DOCK8: variants seen among roughly 807,000 people sequenced by gnomAD.
The protein encoded by DOCK8 is dedicator of cytokinesis 8.
A neutral mutation model predicts 245.6 loss-of-function variants in DOCK8; 141 were observed. That is an observed-to-expected ratio of 0.57 (90% CI 0.50 to 0.66). DOCK8 has a LOEUF of 0.66. Among genes scored for constraint, DOCK8 ranks in the 30% least tolerant of loss-of-function variants. DOCK8 has a pLI of 0.00. For missense variants in DOCK8, 2,965 were observed against 2,603.4 expected (o/e 1.14, Z -3.02); for synonymous variants, 1,168 against 970.2 (o/e 1.20, Z -3.79).
At chr9:215,065 G>C (rs1160137958) in intron 1 of DOCK8, 36 bp downstream of exon 1, 5 of 1,550,712 alleles carry the variant, frequency 3.2e-6, no homozygotes, top group Non-Finnish European at 4.3e-6. Flanking sequence ...GTTGCGGCCG[G>C]ACAGCCCAGC....
chr9:270,965 A>T (rs182939027), intron 1 of DOCK8, among the ~76,000 whole-genome samples: 3 of 152,352 alleles, frequency 2.0e-5, no homozygotes, highest in Non-Finnish European at 2.9e-5. Flanking sequence ...ACTGGCCAGC[A>T]GTCACATGCC....
chr9:449,344 C>G (rs2057360210), intron 44 of DOCK8, among the ~76,000 whole-genome samples: 1 of 124,448 alleles, frequency 8.0e-6, no homozygotes, highest in South Asian at 2.8e-4. Flanking sequence ...GAGCAAAACT[C>G]CATCTCAAAT....
intron 4 of DOCK8, among the ~76,000 whole-genome samples, chr9:290,328 A>G (rs1227128236): frequency 8.6e-5 from 13 of 151,754 alleles, no homozygotes; most frequent in Non-Finnish European, 1.3e-4. Context: ...AGTGTATTTG[A>G]TATTTGGCCT....
chr9:400,361 CCAT>C (rs1410955443), intron 26 of DOCK8, among the ~76,000 whole-genome samples: 6 of 102,468 alleles, frequency 5.9e-5, no homozygotes, highest in African/African-American at 1.2e-4. Context: ...ACCTCCTCCA[CCAT>C]CACCACCTCC....
chr9:241,092 T>C (rs1425956063), intron 1 of DOCK8, among the ~76,000 whole-genome samples: 1 of 152,210 alleles, frequency 6.6e-6, no homozygotes, highest in Non-Finnish European at 1.5e-5. Context: ...TTTTTGATTT[T>C]ATTTTTTAAA....
chr9:330,879 C>T lies in DOCK8; in HGVS notation c.1045-1519C>T, dbSNP rs559772999. ...TCTGCAGCTCCTTCTCATGAAGTACCTGGAGTTCTCCTTGCCCACTGCAGC... is the reference window on the plus strand; with the variant it reads ...TCTGCAGCTCCTTCTCATGAAGTACTTGGAGTTCTCCTTGCCCACTGCAGC... On this transcript the variant is annotated intron_variant, in intron 9 of 47. Coordinates refer to ENST00000432829, the MANE Select transcript of DOCK8 (RefSeq NM_203447.4). 1.1e-4 allele frequency among the ~76,000 whole-genome samples: 16 copies of T among 152,280 alleles called. No individual in the cohort carries two copies. In the South Asian group the frequency reaches 2.9e-3, roughly 28 times the overall value.
chr9:323,587 A>G (rs928032391), intron 7 of DOCK8, among the ~76,000 whole-genome samples: 1 of 152,150 alleles, frequency 6.6e-6, no homozygotes, highest in African/African-American at 2.4e-5. Flanking sequence ...TTGTTCTGCA[A>G]CCATCACCAC....
Position 382,597 on chromosome 9 carries a change from A to C in DOCK8, c.2690A>C (p.Gln897Pro). The change falls in exon 22 of 48, where the codon CAG becomes CCG. Residue 897 changes from glutamine (Q) to proline (P), a missense_variant. By Grantham distance (76) the Gln-to-Pro change is moderately conservative. This residue lies in a region of DOCK8 where 2,825 missense variants were observed against 2,453.5 expected (regional missense o/e 1.15). Transcript: ENST00000432829. ...SAAAVSSKLL[Q>P]ARVMSSSNPD... ...GCTGCTGTGAGTTCAAAGCTGCTGC[A>C]GGCCCGGGTGATGAGCAGCAGTAAC... is the stretch of plus-strand genomic sequence containing the variant. 6.2e-7 allele frequency: 1 copy of C among 1,614,216 alleles called. No individual in the cohort carries two copies. Among genetic ancestry groups the C allele is most frequent in the Non-Finnish European group, 8.5e-7 (1 of 1,180,024 alleles).
At chr9:306,288 G>A (rs933451522) in intron 5 of DOCK8, among the ~76,000 whole-genome samples, 3 of 152,148 alleles carry the variant, frequency 2.0e-5, no homozygotes, top group Non-Finnish European at 4.4e-5. Context: ...CTTCACAGTA[G>A]AATCAGCCAT....
chr9:453,729 A>G (rs1433657274), intron 46 of DOCK8, among the ~76,000 whole-genome samples: 1 of 151,982 alleles, frequency 6.6e-6, no homozygotes, highest in African/African-American at 2.4e-5. Context: ...GCCCGGCCCT[A>G]TTTTTTATTT....
chr9:291,091 A>G (rs1394264519), intron 4 of DOCK8, among the ~76,000 whole-genome samples: 4 of 152,354 alleles, frequency 2.6e-5, no homozygotes, highest in East Asian at 1.9e-4. Flanking sequence ...GTTGTTCTCA[A>G]GTTTTTAAAT....
chr9:462,038 G>T (rs945269928), intron 46 of DOCK8, among the ~76,000 whole-genome samples: 8 of 148,048 alleles, frequency 5.4e-5, no homozygotes, highest in East Asian at 2.0e-4. Context: ...ATTAACTTTG[G>T]TTTTTTACAT....
intron 26 of DOCK8, among the ~76,000 whole-genome samples, chr9:400,112 C>T (rs1362987487): frequency 1.8e-4 from 18 of 102,600 alleles, no homozygotes; most frequent in African/African-American, 8.5e-4. Context: ...ACCACCTCCA[C>T]CACCACCAGC....
chr9:330,884 G>A (rs926333358), intron 9 of DOCK8, among the ~76,000 whole-genome samples: 82 of 152,204 alleles, frequency 5.4e-4, no homozygotes, highest in African/African-American at 1.9e-3. Flanking sequence ...AGTACCTGGA[G>A]TTCTCCTTGC....
At position 464,868 on chromosome 9, in the gene DOCK8, T is replaced by C. The variant is rs2057921779; in HGVS notation, c.*649T>C. On this transcript the variant is annotated 3_prime_UTR_variant, in exon 48 of 48. Transcript: ENST00000432829. ...AATTTAACATGCATTTATAGAAGAA[T>C]ACATTCAAAGCACTGATGTAGGAGA... The C allele has an allele frequency of 6.4e-6, 1 of 156,968 alleles. No individual in the cohort carries two copies. The highest frequency in any genetic ancestry group is 6.1e-5 in the Admixed American group (1 of 16,476). 9.7% of individuals were successfully genotyped at this position (156,968 alleles called of 1,614,324 possible). A position where few individuals can be genotyped will look rare whatever the true frequency, so the allele number is the denominator to read the frequency against.
In DOCK8 at chr9:446,473, A is replaced by G. The variant is rs1290469912; in HGVS notation, c.5684A>G (p.Tyr1895Cys). Residue 1895 changes from tyrosine (Y) to cysteine (C), a missense_variant, in exon 44 of 48, where the codon TAC (tyrosine) becomes TGC (cysteine). Transcript: ENST00000432829. ...AATTTCAACCTCCGGAGGTTCATGT[A>G]CACCACCCCGTTCACCCTGGAGGGG... ...EKNFNLRRFM[Y>C]TTPFTLEGRP... 1 of 1,614,154 alleles carries G rather than the reference A, an allele frequency of 6.2e-7. No homozygotes were observed. Among genetic ancestry groups the G allele is most frequent in the Non-Finnish European group, 8.5e-7 (1 of 1,180,016 alleles).
At chr9:233,498 G>A (rs1222007082) in intron 1 of DOCK8, among the ~76,000 whole-genome samples, 13 of 151,956 alleles carry the variant, frequency 8.6e-5, no homozygotes, top group Admixed American at 6.6e-4. Flanking sequence ...ACAGTGGGGT[G>A]TTAAAGTCTC....
chr9:399,284 C>A, intron 26 of DOCK8, 25 bp downstream of exon 26: 1 of 1,502,240 alleles, frequency 6.7e-7, no homozygotes, highest in African/African-American at 1.5e-5. Context: ...CACCCCCACC[C>A]CCGAGCGAGC....
At chr9:371,187 G>A (rs1470961271) in intron 16 of DOCK8, among the ~76,000 whole-genome samples, 1 of 151,070 alleles carries the variant, frequency 6.6e-6, no homozygotes, top group Admixed American at 6.6e-5. Context: ...TTTGTTTTTT[G>A]TTTTTTGTTT....
Sources: gnomAD v4.1 joint callset for allele counts (sites outside exome capture counted in the v4.1 genomes callset) on GRCh38, gnomAD v4.1.1 for gene constraint, gnomAD v4.1.1 regional missense constraint, MANE v1.5 for transcripts, NCBI Gene and HGNC (gene_info 2026-07-23, HGNC 2026-07-21) for gene names.